Variants in NRG2 observed in about 807,000 individuals in gnomAD.
NRG2 encodes the protein neuregulin 2, also known as pro-neuregulin-2, membrane-bound isoform.
NRG2 carries 27 observed loss-of-function variants against 73.9 expected under a neutral mutation model. The observed-to-expected ratio is 0.37, with a 90% CI of 0.27 to 0.50. The LOEUF is 0.50. Ranked by LOEUF, NRG2 falls within the 20% of genes least tolerant of loss-of-function variation. NRG2 has a pLI of 0.96. For missense variants in NRG2, 1,126 were observed against 1,210.1 expected (o/e 0.93, Z 1.03); for synonymous variants, 532 against 541.0 (o/e 0.98, Z 0.23).
At chr5:139,914,413 T>C (rs1751086003) in intron 1 of NRG2, among the ~76,000 whole-genome samples, 1 of 152,156 alleles carries the variant, frequency 6.6e-6, no homozygotes, top group Admixed American at 6.5e-5. Flanking sequence ...TGGAGTGGCC[T>C]TAAGGCCACC....
chr5:139,968,011 A>AAATG (rs1554114916), intron 1 of NRG2, among the ~76,000 whole-genome samples: 4 of 149,424 alleles, frequency 2.7e-5, no homozygotes, highest in South Asian at 2.1e-4. Flanking sequence ...ATAAATAAAT[A>AAATG]AATGGAGAAC....
In NRG2 at chr5:139,925,631, G is replaced by A. The variant is rs142935540; in HGVS notation, c.701-38120C>T. 9.0e-4 allele frequency among the ~76,000 whole-genome samples: 137 copies of A among 152,296 alleles called. 1 individual carries two copies. The East Asian group carries it at 0.021, about 24-fold the overall frequency. ...TATCTGTAGATAAGCTAGCCCCCAG[G>A]AGTAAAACAGTTCAGGCTCTTGAGC... On this transcript the variant is annotated intron_variant, in intron 1 of 9. Coordinates refer to ENST00000361474, the MANE Select transcript of NRG2 (RefSeq NM_004883.3).
At chr5:139,901,303 G>A (rs1366899852) in intron 1 of NRG2, among the ~76,000 whole-genome samples, 2 of 152,192 alleles carry the variant, frequency 1.3e-5, no homozygotes, top group East Asian at 3.9e-4. Context: ...TCTGCTTGTT[G>A]TTATTGTTTG....
At chr5:139,873,510 G>A (rs1762990032) in intron 3 of NRG2, among the ~76,000 whole-genome samples, 1 of 152,264 alleles carries the variant, frequency 6.6e-6, no homozygotes, top group South Asian at 2.1e-4. Flanking sequence ...CGAAGTGTCT[G>A]GCCAGAGTGC....
intron 9 of NRG2, among the ~76,000 whole-genome samples, chr5:139,849,840 A>G (rs984692511): frequency 6.6e-6 from 1 of 152,224 alleles, no homozygotes; most frequent in South Asian, 2.1e-4. Context: ...ATCTGGGTCC[A>G]CCCCAGGGTC....
intron 2 of NRG2, among the ~76,000 whole-genome samples, chr5:139,886,449 A>C (rs2127125386): frequency 6.6e-6 from 1 of 152,138 alleles, no homozygotes; most frequent in South Asian, 2.1e-4. Flanking sequence ...TGGGGCGGTG[A>C]GGAGGAAAAT....
rs1412836493 is a variant in NRG2, at chr5:139,855,746, T to A, written c.1222A>T (p.Thr408Ser). ...AGAGCCACGCAGATGCCCGTGATGG[T>A]CAGGACCCTCTTCTGGTACAGCTCC... ...AEELYQKRVL[T>S]ITGICVALLV... The change falls in exon 6 of 10, where the codon ACC becomes TCC. Residue 408 changes from threonine to serine, a missense_variant. Thr to Ser is a moderately conservative substitution (Grantham distance 58, BLOSUM62 1). Around this residue, in one of 3 missense-constraint regions of NRG2, gnomAD observed 539 missense variants for 703.2 expected, o/e 0.77. Transcript: ENST00000361474. 9.9e-6 allele frequency: 16 copies of A among 1,613,900 alleles called. No homozygotes were observed. Among genetic ancestry groups the A allele is most frequent in the Non-Finnish European group, 1.4e-5 (16 of 1,179,978 alleles).
chr5:139,989,065 C>T (rs529523631), intron 1 of NRG2, among the ~76,000 whole-genome samples: 6 of 152,118 alleles, frequency 3.9e-5, no homozygotes, highest in South Asian at 2.1e-4. Context: ...TAGACCTTTA[C>T]TGGAGCAAAA....
intron 1 of NRG2, among the ~76,000 whole-genome samples, chr5:139,967,696 G>A (rs753212411): frequency 3.9e-5 from 6 of 152,266 alleles, no homozygotes; most frequent in South Asian, 2.1e-4. Flanking sequence ...GAACAGGGCC[G>A]GGCACAATGG....
At chr5:140,041,665 C>CT (rs1480761075) in intron 1 of NRG2, among the ~76,000 whole-genome samples, 7 of 68,718 alleles carry the variant, frequency 1.0e-4, no homozygotes, top group Non-Finnish European at 1.9e-4. Context: ...CCAGAAACAG[C>CT]TAAAAAAAAA....
intron 1 of NRG2, among the ~76,000 whole-genome samples, chr5:139,983,660 T>C (rs1354619461): frequency 2.6e-5 from 4 of 152,258 alleles, no homozygotes; most frequent in Non-Finnish European, 5.9e-5. Context: ...ATTTTCACAA[T>C]ATTCCTTTAT....
intron 9 of NRG2, among the ~76,000 whole-genome samples, 192 bp from the exon 10 acceptor site, chr5:139,848,889 T>A (rs1581757296): frequency 6.6e-6 from 1 of 152,152 alleles, no homozygotes; most frequent in Non-Finnish European, 1.5e-5. Flanking sequence ...CGAGCCTCGG[T>A]TTCCTTATCT....
intron 1 of NRG2, among the ~76,000 whole-genome samples, chr5:140,006,552 A>G (rs985541444): frequency 1.3e-5 from 2 of 152,240 alleles, no homozygotes; most frequent in Non-Finnish European, 2.9e-5. Context: ...ATGTTCTACA[A>G]CTGGAAGTTA....
chr5:139,948,880 A>T (rs1270569763), intron 1 of NRG2, among the ~76,000 whole-genome samples: 2 of 152,202 alleles, frequency 1.3e-5, no homozygotes, highest in South Asian at 4.1e-4. Flanking sequence ...TTGATTTCAG[A>T]TTGGACATGA....
rs1765103074 is a variant in NRG2, at chr5:139,904,486, G to A, written c.701-16975C>T. 14 of 742,632 alleles carry A rather than the reference G, an allele frequency of 1.9e-5. No homozygotes were observed. Among genetic ancestry groups the A allele is most frequent in the Non-Finnish European group, 3.0e-5 (14 of 467,188 alleles). The allele number at this position is 742,632 out of a possible 1,614,324, so 46.0% of individuals were successfully genotyped here. On this transcript the variant is annotated intron_variant, in intron 1 of 9. Transcript: ENST00000361474. This position sits in a 1 kb window ranked among gnomAD's most constrained non-coding sequence, Gnocchi z 6.0. Reference sequence around the variant, plus strand: ...GCCTGCAGCCTCAGTGCCCGAGCGCGGCGCCTTTCTTATAGGCGGTCACAC... The same window carrying A: ...GCCTGCAGCCTCAGTGCCCGAGCGCAGCGCCTTTCTTATAGGCGGTCACAC...
At chr5:140,038,976 C>G (rs1761709256) in intron 1 of NRG2, among the ~76,000 whole-genome samples, 1 of 152,170 alleles carries the variant, frequency 6.6e-6, no homozygotes, top group South Asian at 2.1e-4. Context: ...GTCGCTTTTG[C>G]TATACTGAAT....
At chr5:139,965,614 A>G (rs1341188733) in intron 1 of NRG2, among the ~76,000 whole-genome samples, 1 of 152,244 alleles carries the variant, frequency 6.6e-6, no homozygotes, top group Non-Finnish European at 1.5e-5. Flanking sequence ...GGACTCTGAC[A>G]CTTCTGCTGA....
chr5:139,938,538 A>T (rs34763996), intron 1 of NRG2, among the ~76,000 whole-genome samples: 23,184 of 151,558 alleles, frequency 0.15, 1,981 homozygotes, highest in South Asian at 0.25. Context: ...TTTCTTTTTT[A>T]AATTTTTGGT....
At position 139,851,854 on chromosome 5, in the gene NRG2, G is replaced by A. The variant is rs776904093; in HGVS notation, c.1545-23C>T. The A allele has an allele frequency of 1.7e-5, 28 of 1,610,782 alleles. No homozygotes were observed. The highest frequency in any genetic ancestry group is 1.7e-4 in the Middle Eastern group (1 of 6,054). On this transcript the variant is annotated intron_variant, in intron 8 of 9. Transcript: ENST00000361474. The surrounding 1 kb of genome is among the most constrained non-coding windows in gnomAD (Gnocchi z 4.2). ...TGTCTGGGAAGGCCAGATGGGGTGA[G>A]ACGAGGGGTCAGGAAGGGGCAGGGC...
Sources: gnomAD v4.1 joint callset for allele counts (sites outside exome capture counted in the v4.1 genomes callset) on GRCh38, gnomAD v4.1.1 for gene constraint, gnomAD v4.1.1 regional missense constraint, Gnocchi (gnomAD v3.1) non-coding constraint, MANE v1.5 for transcripts, NCBI Gene and HGNC (gene_info 2026-07-23, HGNC 2026-07-21) for gene names.